The following TPO variants were observed in gnomAD, a reference collection of about 807,000 sequenced individuals.
TPO encodes the protein thyroid peroxidase, also known as thyroid microsomal antigen.
In TPO, 78 loss-of-function variants were observed where a neutral mutation model predicts 96.9. The observed-to-expected ratio is 0.81, with a 90% CI of 0.67 to 0.97. The LOEUF (loss-of-function observed/expected upper bound fraction) is 0.97. TPO is among the 50% of genes least tolerant of loss of function. TPO has a pLI of 0.00. For missense variants in TPO, 1,252 were observed against 1,274.8 expected, an observed-to-expected ratio of 0.98 and a Z score of 0.27; for synonymous variants, 547 against 538.0, an observed-to-expected ratio of 1.02 and a Z score of -0.23.
chr2:1,422,344 C>CCTCGTGCAGGTGCCGCGCTGGACT (rs1558264301), intron 2 of TPO, among the ~76,000 whole-genome samples: 1 of 77,520 alleles, frequency 1.3e-5, no homozygotes, highest in African/African-American at 4.7e-5. Flanking sequence ...TCTCCTGGAC[C>CCTCGTGCAGGTGCCGCGCTGGACT]GACCTCGTGC....
chr2:1,494,766 T>C (rs1017033141), intron 11 of TPO, among the ~76,000 whole-genome samples: 1 of 152,184 alleles, frequency 6.6e-6, no homozygotes, highest in Non-Finnish European at 1.5e-5. Context: ...TCCAATTCTC[T>C]CTCTATTTTT....
At chr2:1,499,154 G>T (rs560645341) in intron 13 of TPO, among the ~76,000 whole-genome samples, 3 of 152,214 alleles carry the variant, frequency 2.0e-5, no homozygotes, top group African/African-American at 7.2e-5. Flanking sequence ...AGTGGATCAG[G>T]AAGGGAGACT....
intron 15 of TPO, among the ~76,000 whole-genome samples, chr2:1,523,531 CCCACTCTGAGCAACCTCCCCAAATCCCCA>C (rs1675680661): frequency 5.1e-5 from 7 of 137,330 alleles, no homozygotes; most frequent in East Asian, 2.4e-4. Context: ...CCAAATCCCC[CCCACTCTGAGCAACCTCCCCAAATCCCCA>C]CCACTCTGTG....
chr2:1,488,899 TG>T (rs1295766611), intron 10 of TPO, among the ~76,000 whole-genome samples: 2 of 152,180 alleles, frequency 1.3e-5, no homozygotes, highest in South Asian at 4.1e-4. Context: ...AAATGTGAGT[TG>T]GGAGGATGCA....
At chr2:1,489,043 C>T (rs114214478) in intron 10 of TPO, among the ~76,000 whole-genome samples, 6,220 of 152,230 alleles carry the variant, frequency 0.041, 443 homozygotes, top group African/African-American at 0.14. Context: ...CGGCACATAC[C>T]CAGCACACAC....
intron 5 of TPO, among the ~76,000 whole-genome samples, chr2:1,444,373 T>C (rs1002955120): frequency 1.3e-4 from 18 of 135,552 alleles, no homozygotes; most frequent in African/African-American, 4.8e-4. Context: ...GGAATGGAGC[T>C]GGCTCCTTCT....
chr2:1,477,673 C>A, intron 8 of TPO, 69 bp downstream of exon 8: 1 of 1,422,844 alleles, frequency 7.0e-7, no homozygotes. Flanking sequence ...TGTGGGTGCG[C>A]AGCATCGTGG....
intron 5 of TPO, among the ~76,000 whole-genome samples, chr2:1,441,396 A>C (rs573739061): frequency 4.6e-5 from 7 of 152,346 alleles, no homozygotes; most frequent in Non-Finnish European, 8.8e-5. Flanking sequence ...ATTTTTTAAC[A>C]AGGGGGTGTG....
In TPO at chr2:1,501,110, C is replaced by T. The variant is rs550448162; in HGVS notation, c.2387-2838C>T. ...TATTGTCAGGAGGTTATGCAGTAAA[C>T]GAATATACATAAATGCTTTGTGCAT... On this transcript the variant is annotated intron_variant, in intron 13 of 16. Coordinates refer to ENST00000329066, the MANE Select transcript of TPO (RefSeq NM_001206744.2). Among the ~76,000 whole-genome samples the T allele has an allele frequency of 7.9e-5, 12 of 152,180 alleles. No homozygotes were observed. The East Asian group carries it at 1.2e-3, about 15-fold the overall frequency.
chr2:1,385,702 T>A (rs990142331), intron 1 of TPO, among the ~76,000 whole-genome samples: 5 of 152,186 alleles, frequency 3.3e-5, no homozygotes, highest in Admixed American at 2.0e-4. Context: ...GTTTTTTGTG[T>A]CTCTATCTAC....
chr2:1,528,485 C>T (rs868859627), intron 15 of TPO, among the ~76,000 whole-genome samples: 6 of 147,978 alleles, frequency 4.1e-5, no homozygotes, highest in Middle Eastern at 6.9e-3. Context: ...GCAACCTCCT[C>T]AAATCCCCCC....
At chr2:1,492,171 T>TG in intron 10 of TPO, among the ~76,000 whole-genome samples, 1 of 152,040 alleles carries the variant, frequency 6.6e-6, no homozygotes, top group East Asian at 1.9e-4. Flanking sequence ...TTTGTTTTTT[T>TG]GAGACGAAGT....
At chr2:1,461,157 G>C (rs1047280573) in intron 7 of TPO, among the ~76,000 whole-genome samples, 1 of 152,114 alleles carries the variant, frequency 6.6e-6, no homozygotes, top group African/African-American at 2.4e-5. Context: ...CGTGGGGGAG[G>C]TTGGGGGGCC....
At chr2:1,492,022 C>T (rs1224089744) in intron 10 of TPO, among the ~76,000 whole-genome samples, 1 of 152,146 alleles carries the variant, frequency 6.6e-6, no homozygotes, top group African/African-American at 2.4e-5. Context: ...CGGGGCCAGC[C>T]AAGGCAGGTG....
chr2:1,496,987 C>T (rs28991294), intron 13 of TPO, among the ~76,000 whole-genome samples: 7,103 of 152,230 alleles, frequency 0.047, 223 homozygotes, highest in South Asian at 0.13. Context: ...CACGTGGAAT[C>T]GTGACCAATG....
At chr2:1,384,819 G>C (rs1450438936) in intron 1 of TPO, among the ~76,000 whole-genome samples, 6 of 152,076 alleles carry the variant, frequency 3.9e-5, no homozygotes, top group African/African-American at 1.2e-4. Flanking sequence ...TCCAGTTTTT[G>C]CCCATTCAGT....
intron 14 of TPO, among the ~76,000 whole-genome samples, chr2:1,508,031 T>C (rs2125028369): frequency 6.6e-6 from 1 of 152,268 alleles, no homozygotes; most frequent in South Asian, 2.1e-4. Context: ...TTGTCATAGA[T>C]AGCTCTTATT....
rs1680631117 is a variant in TPO, at chr2:1,540,612, A to G, written c.2637A>G (p.Lys879=). 2 of 1,613,332 alleles carry G rather than the reference A, an allele frequency of 1.2e-6. No homozygotes were observed. The highest frequency in any genetic ancestry group is 2.7e-5 in the African/African-American group (2 of 74,870). Residue 879 remains lysine, a synonymous_variant, in exon 16 of 17, where the codon AAA becomes AAG. Coordinates refer to ENST00000329066, the MANE Select transcript of TPO (RefSeq NM_001206744.2). ...VICRWTRTGT[K]STLPISETGG... is the part of the protein sequence containing the mutation. ...CCCACAGGACACGCACTGGCACTAA[A>G]TCCACACTGCCCATCTCGGAGACAG...
intron 15 of TPO, among the ~76,000 whole-genome samples, chr2:1,518,205 T>C (rs1382572142): frequency 6.6e-6 from 1 of 152,232 alleles, no homozygotes; most frequent in East Asian, 1.9e-4. Flanking sequence ...TAATAGAAAC[T>C]CAACATTCTA....
Sources: gnomAD v4.1 joint callset for allele counts (sites outside exome capture counted in the v4.1 genomes callset) on GRCh38, gnomAD v4.1.1 for gene constraint, MANE v1.5 for transcripts, NCBI Gene and HGNC (gene_info 2026-07-23, HGNC 2026-07-21) for gene names.